Variants in SCHIP1 observed in about 807,000 individuals in gnomAD.
The protein encoded by SCHIP1 is schwannomin-interacting protein 1.
A neutral mutation model predicts 29.7 loss-of-function variants in SCHIP1; 8 were observed. That is an observed-to-expected ratio of 0.27 (90% CI 0.16 to 0.49). SCHIP1 has a LOEUF of 0.49. SCHIP1 is among the 20% of genes least tolerant of loss of function. The pLI is 0.99. For missense variants in SCHIP1, 193 were observed against 294.6 expected (o/e 0.66, Z 2.52); for synonymous variants, 76 against 94.9 (o/e 0.80, Z 1.16).
chr3:159,791,629 A>G, the SCHIP1 span, among the ~76,000 whole-genome samples: 1 of 152,196 alleles, frequency 6.6e-6, no homozygotes, highest in Non-Finnish European at 1.5e-5. Flanking sequence ...GGCAAGATCT[A>G]GCAGGGAGCC....
the SCHIP1 span, among the ~76,000 whole-genome samples, chr3:159,309,921 C>T: frequency 6.6e-6 from 1 of 152,060 alleles, no homozygotes; most frequent in East Asian, 1.9e-4. Context: ...TAATAATTAC[C>T]TTGGTGTAAA....
the SCHIP1 span, among the ~76,000 whole-genome samples, chr3:159,293,497 A>G: frequency 2.0e-5 from 3 of 151,834 alleles, no homozygotes; most frequent in East Asian, 3.8e-4. Context: ...GGAGGTCACA[A>G]TTTTGTTTCT....
At chr3:159,298,523 T>C in the SCHIP1 span, among the ~76,000 whole-genome samples, 2 of 152,228 alleles carry the variant, frequency 1.3e-5, no homozygotes, top group Non-Finnish European at 2.9e-5. Flanking sequence ...CAAACTTGCC[T>C]ACTCTGATAG....
At chr3:159,692,013 CTTTTTTTTTTTTTTTTTT>C in the SCHIP1 span, among the ~76,000 whole-genome samples, 2 of 90,942 alleles carry the variant, frequency 2.2e-5, no homozygotes, top group African/African-American at 4.8e-5. Flanking sequence ...CCCGACCTTT[CTTTTTTTTTTTTTTTTTT>C]TTTTTTTTGA....
intron 6 of SCHIP1, 196 bp downstream of exon 7, chr3:159,892,386 A>G (rs1560099575): frequency 3.2e-6 from 2 of 628,780 alleles, no homozygotes; most frequent in Non-Finnish European, 5.6e-6. Flanking sequence ...CTTTTTAGCA[A>G]CCATCCCCCC....
At chr3:159,793,525 G>A in the SCHIP1 span, among the ~76,000 whole-genome samples, 13 of 152,062 alleles carry the variant, frequency 8.5e-5, no homozygotes, top group African/African-American at 3.1e-4. Context: ...GTCTTACAGG[G>A]CTAAAATCAG....
the SCHIP1 span, among the ~76,000 whole-genome samples, chr3:159,732,011 G>C: frequency 3.4e-3 from 520 of 152,130 alleles, 5 homozygotes; most frequent in African/African-American, 0.012. Context: ...GCTAATTTTT[G>C]TATTTTTAGT....
At chr3:159,371,546 A>C in the SCHIP1 span, among the ~76,000 whole-genome samples, 1 of 152,172 alleles carries the variant, frequency 6.6e-6, no homozygotes, top group African/African-American at 2.4e-5. Flanking sequence ...AGTGTTTTAA[A>C]AGTTAAAAAG....
At chr3:159,438,307 C>T in the SCHIP1 span, among the ~76,000 whole-genome samples, 1 of 152,076 alleles carries the variant, frequency 6.6e-6, no homozygotes, top group African/African-American at 2.4e-5. Flanking sequence ...GGTTGAGAAG[C>T]TCTGATCACA....
the SCHIP1 span, among the ~76,000 whole-genome samples, chr3:159,697,650 T>C: frequency 6.6e-6 from 1 of 152,156 alleles, no homozygotes; most frequent in Non-Finnish European, 1.5e-5. Flanking sequence ...GTATAAAATA[T>C]TGGAATACAA....
the SCHIP1 span, among the ~76,000 whole-genome samples, chr3:159,331,304 A>T: frequency 1.6e-3 from 238 of 152,250 alleles, no homozygotes; most frequent in Non-Finnish European, 2.7e-3. Context: ...CTCCAGCTCC[A>T]TCTGTCATTG....
At chr3:159,638,844 T>A in the SCHIP1 span, among the ~76,000 whole-genome samples, 2 of 152,030 alleles carry the variant, frequency 1.3e-5, no homozygotes, top group Non-Finnish European at 2.9e-5. Context: ...AACTATTAAA[T>A]CATGTAGATA....
At chr3:159,315,393 CTT>C in the SCHIP1 span, among the ~76,000 whole-genome samples, 43,731 of 136,092 alleles carry the variant, frequency 0.32, 7,919 homozygotes, top group Non-Finnish European at 0.43. Flanking sequence ...TATTTTCTTT[CTT>C]TTTTTTTTTT....
the SCHIP1 span, among the ~76,000 whole-genome samples, chr3:159,386,182 A>G: frequency 6.6e-6 from 1 of 152,186 alleles, no homozygotes; most frequent in Non-Finnish European, 1.5e-5. Context: ...TTATAGTAGC[A>G]TGATTTATAA....
At chr3:159,890,919 A>G (rs891267174) in intron 5 of SCHIP1, among the ~76,000 whole-genome samples, 11 of 152,190 alleles carry the variant, frequency 7.2e-5, no homozygotes, top group Non-Finnish European at 1.2e-4. Context: ...TTCCCTGCCC[A>G]GAGCTCTTGC....
chr3:159,676,649 A>T, the SCHIP1 span, among the ~76,000 whole-genome samples: 1 of 151,910 alleles, frequency 6.6e-6, no homozygotes, highest in Non-Finnish European at 1.5e-5. Context: ...AACCCTCAAA[A>T]CCCACATGTC....
At chr3:159,759,575 T>A in the SCHIP1 span, among the ~76,000 whole-genome samples, 1 of 152,224 alleles carries the variant, frequency 6.6e-6, no homozygotes, top group Admixed American at 6.5e-5. Context: ...TCATGAGGAA[T>A]CTGTGGTCAT....
intron 6 of SCHIP1, chr3:159,892,578 T>G: frequency 2.9e-6 from 1 of 350,770 alleles, no homozygotes; most frequent in African/African-American, 2.1e-5. Context: ...CAAGCTCTTG[T>G]ATGATCCAGT....
the SCHIP1 span, among the ~76,000 whole-genome samples, chr3:159,483,184 G>A: frequency 6.6e-6 from 1 of 152,054 alleles, no homozygotes; most frequent in South Asian, 2.1e-4. Flanking sequence ...CACTTTTATG[G>A]GCACTCAAAT....
Sources: allele counts gnomAD v4.1 joint callset (sites outside exome capture counted in the v4.1 genomes callset), GRCh38; gene constraint gnomAD v4.1.1; transcripts MANE v1.5; gene names NCBI Gene and HGNC (gene_info 2026-07-23, HGNC 2026-07-21).